SLC18A1: variants seen among roughly 807,000 people sequenced by gnomAD.
The protein encoded by SLC18A1 is solute carrier family 18 member A1, also known as chromaffin granule amine transporter.
A neutral mutation model predicts 53.7 loss-of-function variants in SLC18A1; 69 were observed. That is an observed-to-expected ratio of 1.28 (90% CI 1.06 to 1.57). The LOEUF (loss-of-function observed/expected upper bound fraction) is 1.57, where lower values mean the gene tolerates loss of function less well. SLC18A1 is among the 40% of genes most tolerant of loss of function. SLC18A1 has a pLI of 0.00. For missense variants in SLC18A1, 932 were observed against 668.1 expected, an observed-to-expected ratio of 1.40 and a Z score of -4.35; for synonymous variants, 320 against 248.1, an observed-to-expected ratio of 1.29 and a Z score of -2.72.
intron 5 of SLC18A1, 60 bp from the exon 6 acceptor site, chr8:20,173,188 G>T: frequency 2.4e-6 from 3 of 1,276,488 alleles, no homozygotes; most frequent in Non-Finnish European, 3.3e-6. Context: ...GCCTCTCAGA[G>T]CCCTTGGTCC....
chr8:20,164,710 T>G (rs1032183675), intron 10 of SLC18A1, among the ~76,000 whole-genome samples, 159 bp downstream of exon 10: 5 of 152,170 alleles, frequency 3.3e-5, no homozygotes, highest in African/African-American at 1.2e-4. Context: ...ACTGCTTCTC[T>G]GAGGGACCAC....
At chr8:20,164,838 G>T (rs1355171011) in intron 10 of SLC18A1, 31 bp downstream of exon 10, 3 of 1,546,414 alleles carry the variant, frequency 1.9e-6, no homozygotes, top group Non-Finnish European at 8.8e-7. Context: ...CCTCCTGCCA[G>T]GCCCTGAGCG....
intron 10 of SLC18A1, among the ~76,000 whole-genome samples, chr8:20,153,242 G>A (rs1043426552): frequency 1.3e-5 from 2 of 152,082 alleles, no homozygotes; most frequent in African/African-American, 2.4e-5. Context: ...CCCATGCCAT[G>A]GCTCAGTTAC....
Position 20,151,136 on chromosome 8 carries a change from TG to T in SLC18A1, c.1016-393del, listed in dbSNP as rs1345010745. ...ACAGATGAACACCACCACACCTAGT[TG>T]TTTTTTTTTGTTTTTTTTTTGTTTG... On this transcript the variant is annotated intron_variant, in intron 10 of 15. Transcript: ENST00000276373. The T allele has an allele frequency of 3.4e-4, 32 of 95,480 alleles. 1 individual carries two copies. The highest frequency in any genetic ancestry group is 1.5e-3 in the Admixed American group (17 of 11,430). 5.9% of individuals were successfully genotyped at this position (95,480 alleles called of 1,614,324 possible).
chr8:20,152,548 T>A (rs1002203628), intron 10 of SLC18A1, among the ~76,000 whole-genome samples: 7 of 151,996 alleles, frequency 4.6e-5, no homozygotes, highest in African/African-American at 1.7e-4. Context: ...ATAACCTAGG[T>A]TTTTGTCTTA....
intron 10 of SLC18A1, among the ~76,000 whole-genome samples, chr8:20,158,379 C>T (rs1452198349): frequency 2.0e-5 from 3 of 152,242 alleles, no homozygotes; most frequent in South Asian, 2.1e-4. Flanking sequence ...GAGACATTCT[C>T]GCAAAAGCAG....
intron 8 of SLC18A1, among the ~76,000 whole-genome samples, chr8:20,170,567 C>T (rs1162509208): frequency 6.6e-6 from 1 of 152,022 alleles, no homozygotes; most frequent in Admixed American, 6.5e-5. Context: ...GGCTTAGAGT[C>T]AAACAAGTAC....
chr8:20,162,692 C>T (rs1248526453), intron 10 of SLC18A1, among the ~76,000 whole-genome samples: 1 of 152,210 alleles, frequency 6.6e-6, no homozygotes, highest in Non-Finnish European at 1.5e-5. Context: ...CCTTGTTCCT[C>T]ATTTCTATCT....
chr8:20,178,517 A>G, intron 3 of SLC18A1, 24 bp from the exon 4 acceptor site: 2 of 1,569,846 alleles, frequency 1.3e-6, no homozygotes, highest in Non-Finnish European at 8.7e-7. Context: ...GAAAAAAAAA[A>G]AGATACAATT....
At position 20,145,763 on chromosome 8, in the gene SLC18A1, C is replaced by T. The variant is rs1354693415; in HGVS notation, c.1578G>A (p.Ter526=). 7.5e-6 allele frequency: 12 copies of T among 1,594,674 alleles called. No homozygotes were observed. Among genetic ancestry groups the T allele is most frequent in the Non-Finnish European group, 1.0e-5 (12 of 1,166,640 alleles). The part of the protein sequence containing the change: ...DSDEEPDHEE[*] Reference sequence around the variant, plus strand: ...TGAATTCAAGGAGCACCTTCTGCTGCTACTCCTCATGGTCAGGCTCCTCAT... The same window carrying T: ...TGAATTCAAGGAGCACCTTCTGCTGTTACTCCTCATGGTCAGGCTCCTCAT... Residue 526 remains the stop codon, a stop_retained_variant, in exon 16 of 16, where the codon TAG becomes TAA. Transcript: ENST00000276373.
chr8:20,159,604 T>A (rs2071766846), intron 10 of SLC18A1, among the ~76,000 whole-genome samples: 1 of 139,834 alleles, frequency 7.2e-6, no homozygotes, highest in South Asian at 2.2e-4. Flanking sequence ...ATGGTAGCTC[T>A]GTTTTCACTC....
chr8:20,154,128 CA>C (rs1424493841), intron 10 of SLC18A1, among the ~76,000 whole-genome samples: 2 of 152,180 alleles, frequency 1.3e-5, no homozygotes, highest in African/African-American at 4.8e-5. Context: ...CATGTAGAAC[CA>C]TAAGCCAAAT....
At chr8:20,158,672 A>G (rs1206617711) in intron 10 of SLC18A1, among the ~76,000 whole-genome samples, 1 of 152,154 alleles carries the variant, frequency 6.6e-6, no homozygotes, top group African/African-American at 2.4e-5. Flanking sequence ...CAATTTTAGG[A>G]GTCCAGAAAC....
At chr8:20,150,972 T>C in intron 10 of SLC18A1, 1 of 518,574 alleles carries the variant, frequency 1.9e-6, no homozygotes, top group Non-Finnish European at 3.5e-6. Flanking sequence ...CTTTTCTTTT[T>C]GTTTTCTTTC....
intron 12 of SLC18A1, 104 bp from the exon 13 acceptor site, chr8:20,148,174 T>G: frequency 1.0e-6 from 1 of 959,138 alleles, no homozygotes; most frequent in East Asian, 2.5e-5. Context: ...AGTGCACTAT[T>G]GGCCACATAC....
chr8:20,173,395 A>G (rs1216498335), intron 5 of SLC18A1, among the ~76,000 whole-genome samples: 5 of 152,214 alleles, frequency 3.3e-5, no homozygotes, highest in Non-Finnish European at 7.3e-5. Flanking sequence ...GTCTGATTAT[A>G]CCATGTTTCA....
At chr8:20,170,926 G>A (rs1304759460) in intron 8 of SLC18A1, among the ~76,000 whole-genome samples, 177 bp downstream of exon 8, 2 of 152,028 alleles carry the variant, frequency 1.3e-5, no homozygotes, top group Admixed American at 6.5e-5. Flanking sequence ...AGCCAAATAC[G>A]TCACTATCCC....
intron 10 of SLC18A1, among the ~76,000 whole-genome samples, chr8:20,159,601 C>G (rs1246602137): frequency 7.9e-6 from 1 of 127,330 alleles, no homozygotes. Flanking sequence ...TATATGGTAG[C>G]TCTGTTTTCA....
At chr8:20,150,147 G>T (rs1017076597) in intron 11 of SLC18A1, among the ~76,000 whole-genome samples, 3 of 152,146 alleles carry the variant, frequency 2.0e-5, no homozygotes, top group African/African-American at 7.2e-5. Flanking sequence ...TTCCTTCTCT[G>T]ATGTCCTATG....
Sources: allele counts gnomAD v4.1 joint callset (sites outside exome capture counted in the v4.1 genomes callset), GRCh38; gene constraint gnomAD v4.1.1; transcripts MANE v1.5; gene names NCBI Gene and HGNC (gene_info 2026-07-23, HGNC 2026-07-21).